The following SND1 variants were observed in gnomAD, a reference collection of about 807,000 sequenced individuals.
SND1 encodes staphylococcal nuclease and tudor domain containing 1.
A neutral mutation model predicts 121.7 loss-of-function variants in SND1; 38 were observed. That is an observed-to-expected ratio of 0.31 (90% confidence interval 0.24 to 0.41). SND1 has a LOEUF of 0.41. Among genes scored for constraint, SND1 ranks in the 10% least tolerant of loss-of-function variants. The pLI, the probability that SND1 is intolerant of heterozygous loss-of-function variation, is 1.00. For missense variants in SND1, 868 were observed against 1,184.6 expected, an observed-to-expected ratio of 0.73 and a Z score of 3.92; for synonymous variants, 401 against 447.4, an observed-to-expected ratio of 0.90 and a Z score of 1.31.
intron 10 of SND1, among the ~76,000 whole-genome samples, chr7:127,759,223 C>CT (rs1266754391): frequency 6.6e-6 from 1 of 152,084 alleles, no homozygotes; most frequent in Non-Finnish European, 1.5e-5. Flanking sequence ...GTCTGTCAGG[C>CT]TTTTTTACTG....
At chr7:127,946,281 G>A (rs2116847398) in intron 15 of SND1, among the ~76,000 whole-genome samples, 1 of 152,350 alleles carries the variant, frequency 6.6e-6, no homozygotes, top group South Asian at 2.1e-4. Context: ...GGTCAGACCT[G>A]TGGGATGGGT....
intron 10 of SND1, among the ~76,000 whole-genome samples, chr7:127,766,794 A>AAAAAAAAAAAC: frequency 6.7e-6 from 1 of 149,912 alleles, no homozygotes; most frequent in Non-Finnish European, 1.5e-5. Flanking sequence ...AAAAAAAAAA[A>AAAAAAAAAAAC]AAAAAAATAG....
In SND1 at chr7:127,988,750, TG is replaced by T. The variant is rs2116913302; in HGVS notation, c.1670-2196del. On this transcript the variant is annotated intron_variant, in intron 15 of 23. Transcript: ENST00000354725. ...AGTGAAAATTCAACCCCTTAGTTCC[TG>T]CTGCCCAGTGCAGTACCCTAGCTAC... is the stretch of plus-strand genomic sequence containing the variant. 2.0e-5 allele frequency among the ~76,000 whole-genome samples: 3 copies of T among 152,308 alleles called. No individual in the cohort carries two copies. In the South Asian group the frequency reaches 6.2e-4, roughly 32 times the overall value.
chr7:127,780,679 A>G (rs767401123), intron 10 of SND1, among the ~76,000 whole-genome samples: 10 of 152,266 alleles, frequency 6.6e-5, no homozygotes, highest in Non-Finnish European at 1.2e-4. Flanking sequence ...CTCACTAATC[A>G]TAATGACGCC....
chr7:128,075,388 C>T (rs1030946674), intron 17 of SND1, among the ~76,000 whole-genome samples: 3 of 152,202 alleles, frequency 2.0e-5, no homozygotes, highest in Non-Finnish European at 4.4e-5. Context: ...GTGGGACAGC[C>T]GTGCTGAGCT....
At chr7:127,777,969 C>T (rs1797651126) in intron 10 of SND1, among the ~76,000 whole-genome samples, 1 of 152,126 alleles carries the variant, frequency 6.6e-6, no homozygotes, top group African/African-American at 2.4e-5. Flanking sequence ...TGTACCTCTA[C>T]CTTTTACCTG....
chr7:128,046,643 C>T (rs959027855), intron 16 of SND1, among the ~76,000 whole-genome samples: 8 of 152,116 alleles, frequency 5.3e-5, no homozygotes, highest in African/African-American at 1.9e-4. Flanking sequence ...GGATTACAGA[C>T]GTGAGCCACT....
Position 127,668,789 on chromosome 7 carries a change from C to T in SND1, c.78+16338C>T, listed in dbSNP as rs566172607. On this transcript the variant is annotated intron_variant, in intron 1 of 23. Transcript: ENST00000354725. ...ATGTCTCTGGGGCCTTCCACTCCCT[C>T]GGCATGATCTCTAGGCAAGCATGCC... Among the ~76,000 whole-genome samples, 112 of 152,300 alleles carry T rather than the reference C, an allele frequency of 7.4e-4. 1 individual carries two copies. Among genetic ancestry groups the T allele is most frequent in the Non-Finnish European group, 1.2e-3 (85 of 68,032 alleles).
intron 14 of SND1, among the ~76,000 whole-genome samples, chr7:127,907,062 C>A (rs1203556279): frequency 2.0e-5 from 3 of 152,146 alleles, no homozygotes; most frequent in African/African-American, 7.2e-5. Flanking sequence ...TCTCAGTCAC[C>A]ACATAAATAA....
chr7:127,758,805 G>A (rs929773678), intron 10 of SND1, among the ~76,000 whole-genome samples: 2 of 152,112 alleles, frequency 1.3e-5, no homozygotes, highest in African/African-American at 4.8e-5. Context: ...TGTGATCTCA[G>A]CACTTTGGGG....
intron 10 of SND1, among the ~76,000 whole-genome samples, chr7:127,726,223 T>C (rs1796580153): frequency 6.6e-6 from 1 of 152,192 alleles, no homozygotes; most frequent in South Asian, 2.1e-4. Flanking sequence ...TGGATTTTGG[T>C]TGGAGCTTGG....
At position 127,652,407 on chromosome 7, in the gene SND1, G is replaced by GCGCAGAGCGGCGGCTCCTCCC; in HGVS notation, c.34_35insCGCAGAGCGGCGGCTCCTCCC (p.Gly12delinsAlaGlnSerGlyGlySerSerArg). On this transcript the variant is annotated protein_altering_variant, in exon 1 of 24. Coordinates refer to ENST00000354725, the MANE Select transcript of SND1 (RefSeq NM_014390.4). Reference sequence around the variant, plus strand: ...CTCCGCGCAGAGCGGCGGCTCCTCCGGGGGACCCGCGGTCCCCACCGTGCA... The same window carrying GCGCAGAGCGGCGGCTCCTCCC: ...CTCCGCGCAGAGCGGCGGCTCCTCCGCGCAGAGCGGCGGCTCCTCCCGGGGACCCGCGGTCCCCACCGTGCA... The GCGCAGAGCGGCGGCTCCTCCC allele has an allele frequency of 6.3e-7, 1 of 1,595,862 alleles. No individual in the cohort carries two copies. The highest frequency in any genetic ancestry group is 8.5e-7 in the Non-Finnish European group (1 of 1,171,980).
intron 15 of SND1, among the ~76,000 whole-genome samples, chr7:127,966,291 C>T (rs1054802754): frequency 6.6e-6 from 1 of 150,958 alleles, no homozygotes; most frequent in African/African-American, 2.5e-5. Flanking sequence ...TTAGACAGAT[C>T]AACGAGACAG....
At chr7:127,822,684 T>C (rs1049571186) in intron 11 of SND1, among the ~76,000 whole-genome samples, 1 of 152,234 alleles carries the variant, frequency 6.6e-6, no homozygotes, top group Admixed American at 6.5e-5. Flanking sequence ...AATCCTTTTT[T>C]AAATGCACTT....
intron 11 of SND1, among the ~76,000 whole-genome samples, chr7:127,823,657 G>C (rs1294557933): frequency 6.6e-6 from 1 of 152,148 alleles, no homozygotes; most frequent in East Asian, 1.9e-4. Context: ...TCATCAGTTA[G>C]GAACAAATGT....
chr7:127,896,437 G>A (rs746079219), intron 13 of SND1, among the ~76,000 whole-genome samples: 17 of 152,042 alleles, frequency 1.1e-4, no homozygotes, highest in Non-Finnish European at 2.2e-4. Context: ...CTCAGACCAG[G>A]CACATCACTA....
At chr7:128,070,207 T>G (rs368082799) in intron 16 of SND1, among the ~76,000 whole-genome samples, 1 of 152,300 alleles carries the variant, frequency 6.6e-6, no homozygotes, top group South Asian at 2.1e-4. Flanking sequence ...CCCCTTCTTA[T>G]AGTCTCTCGG....
intron 10 of SND1, among the ~76,000 whole-genome samples, chr7:127,778,607 G>C (rs1178280624): frequency 6.6e-6 from 1 of 152,208 alleles, no homozygotes; most frequent in Non-Finnish European, 1.5e-5. Context: ...TGTGACTTAG[G>C]AGTGACTAAT....
At chr7:128,058,724 G>A (rs1004371634) in intron 16 of SND1, among the ~76,000 whole-genome samples, 1 of 152,156 alleles carries the variant, frequency 6.6e-6, no homozygotes, top group African/African-American at 2.4e-5. Flanking sequence ...CTAGTTCAGC[G>A]TGGTCCATTC....
Sources: allele counts gnomAD v4.1 joint callset (sites outside exome capture counted in the v4.1 genomes callset), GRCh38; gene constraint gnomAD v4.1.1; transcripts MANE v1.5; gene names NCBI Gene and HGNC (gene_info 2026-07-23, HGNC 2026-07-21).